Variants in IQGAP2 observed in about 807,000 individuals in gnomAD.
IQGAP2 encodes the protein ras GTPase-activating-like protein IQGAP2.
IQGAP2 carries 173 observed loss-of-function variants against 201.3 expected under a neutral mutation model. That is an observed-to-expected ratio of 0.86 (90% confidence interval 0.76 to 0.98). The LOEUF is 0.98. Ranked by LOEUF, IQGAP2 falls within the 50% of genes least tolerant of loss-of-function variation. The pLI is 0.00. For synonymous variants in IQGAP2, 675 were observed against 673.9 expected, an observed-to-expected ratio of 1.00 and a Z score of -0.03; for missense variants, 1,687 against 1,864.8, an observed-to-expected ratio of 0.90 and a Z score of 1.76.
intron 30 of IQGAP2, among the ~76,000 whole-genome samples, chr5:76,685,392 T>A (rs1745647923): frequency 6.6e-6 from 1 of 152,242 alleles, no homozygotes; most frequent in African/African-American, 2.4e-5. Flanking sequence ...TTTTTCTTAA[T>A]TAGTTTTGTC....
intron 2 of IQGAP2, among the ~76,000 whole-genome samples, chr5:76,513,039 A>C (rs1758077254): frequency 6.6e-6 from 1 of 150,616 alleles, no homozygotes; most frequent in Non-Finnish European, 1.5e-5. Flanking sequence ...TGGGTGACAG[A>C]GTCAGAGTCT....
At chr5:76,517,898 A>C (rs1580367388) in intron 2 of IQGAP2, among the ~76,000 whole-genome samples, 1 of 152,288 alleles carries the variant, frequency 6.6e-6, no homozygotes, top group East Asian at 1.9e-4. Context: ...GTCCATTTTC[A>C]CGCTGCCGAT....
intron 1 of IQGAP2, among the ~76,000 whole-genome samples, chr5:76,438,530 C>T (rs1752848062): frequency 6.6e-6 from 1 of 152,050 alleles, no homozygotes; most frequent in South Asian, 2.1e-4. Flanking sequence ...GCAACCTCCA[C>T]CTCCCAGGTT....
At chr5:76,541,468 A>G (rs1192064780) in intron 2 of IQGAP2, among the ~76,000 whole-genome samples, 1 of 152,158 alleles carries the variant, frequency 6.6e-6, no homozygotes, top group Non-Finnish European at 1.5e-5. Flanking sequence ...TGTTTTGGTG[A>G]TCATGACTGA....
At chr5:76,603,893 A>G (rs1487349565) in intron 11 of IQGAP2, among the ~76,000 whole-genome samples, 1 of 152,190 alleles carries the variant, frequency 6.6e-6, no homozygotes, top group East Asian at 1.9e-4. Flanking sequence ...ACTACGGAAT[A>G]TTTCCCAAAG....
intron 2 of IQGAP2, among the ~76,000 whole-genome samples, chr5:76,464,235 T>C (rs555991469): frequency 2.0e-5 from 3 of 152,356 alleles, no homozygotes; most frequent in African/African-American, 7.2e-5. Flanking sequence ...ATAGTTGTGC[T>C]GATTTAAGAA....
At chr5:76,623,229 A>G (rs749206178) in intron 13 of IQGAP2, 4 of 1,614,204 alleles carry the variant, frequency 2.5e-6, no homozygotes, top group Non-Finnish European at 3.4e-6. Flanking sequence ...GAGGGCTTTC[A>G]TTTTGATGAC....
chr5:76,405,994 A>C (rs1750779083), intron 1 of IQGAP2, among the ~76,000 whole-genome samples: 1 of 152,188 alleles, frequency 6.6e-6, no homozygotes, highest in African/African-American at 2.4e-5. Flanking sequence ...TGGGCTTTAA[A>C]CACAACTTTT....
At position 76,403,331 on chromosome 5, in the gene IQGAP2, G is replaced by A; in HGVS notation, c.-215G>A. ...GGCGACCGGCCAGGGAGCGAGGGAG[G>A]AGAGTTCACTTTTACTTCAGTGTCA... On this transcript the variant is annotated 5_prime_UTR_variant, in exon 1 of 36. Transcript: ENST00000274364. The surrounding 1 kb of genome is among the most constrained non-coding windows in gnomAD (Gnocchi z 4.8). 2.6e-6 allele frequency: 1 copy of A among 386,842 alleles called. No individual in the cohort carries two copies. Among genetic ancestry groups the A allele is most frequent in the Non-Finnish European group, 4.6e-6 (1 of 219,700 alleles). The allele number at this position is 386,842 out of a possible 1,614,324, so 24.0% of individuals were successfully genotyped here. A position where few individuals can be genotyped will look rare whatever the true frequency, so the allele number is the denominator to read the frequency against.
chr5:76,637,515 G>T (rs778229174), intron 16 of IQGAP2, among the ~76,000 whole-genome samples: 4 of 152,082 alleles, frequency 2.6e-5, no homozygotes, highest in Non-Finnish European at 5.9e-5. Flanking sequence ...ATATTTAAAA[G>T]GTATTTCTTT....
At chr5:76,426,284 A>T (rs1162110723) in intron 1 of IQGAP2, among the ~76,000 whole-genome samples, 1 of 152,202 alleles carries the variant, frequency 6.6e-6, no homozygotes, top group Non-Finnish European at 1.5e-5. Context: ...CTAGACACCT[A>T]GGAAAGGGGG....
At chr5:76,468,740 T>G (rs1754934016) in intron 2 of IQGAP2, among the ~76,000 whole-genome samples, 1 of 152,274 alleles carries the variant, frequency 6.6e-6, no homozygotes, top group South Asian at 2.1e-4. Flanking sequence ...CGCACTGCTC[T>G]GTGCTTCAAC....
intron 1 of IQGAP2, among the ~76,000 whole-genome samples, chr5:76,460,431 G>A (rs2150124952): frequency 6.6e-6 from 1 of 152,280 alleles, no homozygotes; most frequent in East Asian, 1.9e-4. Flanking sequence ...AACTTGTTCT[G>A]TAGGAAATAG....
rs149712900 is a variant in IQGAP2 at position 76,486,791 on chromosome 5, T to C, written c.146+25122T>C. Among the ~76,000 whole-genome samples, 152 of 152,324 alleles carry C rather than the reference T, an allele frequency of 1.0e-3. 1 individual carries two copies. The highest frequency in any genetic ancestry group is 2.5e-3 in the South Asian group (12 of 4,832). On this transcript the variant is annotated intron_variant, in intron 2 of 35. Transcript: ENST00000274364. ...CTTCAGAGTTTTGTTTTGTTTTGTT[T>C]TGTTTGACACTGTAGCCACCATTAC...
chr5:76,515,454 T>C (rs1758258163), intron 2 of IQGAP2, among the ~76,000 whole-genome samples: 2 of 152,218 alleles, frequency 1.3e-5, no homozygotes, highest in South Asian at 4.1e-4. Flanking sequence ...AGTCTTTTTC[T>C]TTATCTTAAG....
intron 28 of IQGAP2, among the ~76,000 whole-genome samples, chr5:76,678,425 TAA>T (rs112438447): frequency 2.2e-4 from 31 of 143,808 alleles, no homozygotes; most frequent in African/African-American, 7.1e-4. Flanking sequence ...ACATTAAAAT[TAA>T]AAAAAAAAAA....
chr5:76,451,260 T>C (rs1753725627), intron 1 of IQGAP2, among the ~76,000 whole-genome samples: 1 of 152,158 alleles, frequency 6.6e-6, no homozygotes, highest in South Asian at 2.1e-4. Context: ...TCTTCCCCCA[T>C]ACCGTGCTCC....
intron 2 of IQGAP2, among the ~76,000 whole-genome samples, chr5:76,529,992 T>C (rs572883392): frequency 9.1e-4 from 139 of 152,278 alleles, no homozygotes; most frequent in Middle Eastern, 3.4e-3. Context: ...TTTGCAACTA[T>C]CAATCATGAT....
intron 1 of IQGAP2, among the ~76,000 whole-genome samples, chr5:76,455,687 T>C (rs1263452277): frequency 1.3e-5 from 2 of 152,184 alleles, no homozygotes; most frequent in East Asian, 3.9e-4. Context: ...GACAAGCTTC[T>C]TAACTATTCC....
Sources: allele counts gnomAD v4.1 joint callset (sites outside exome capture counted in the v4.1 genomes callset), GRCh38; gene constraint gnomAD v4.1.1; non-coding constraint Gnocchi (gnomAD v3.1); transcripts MANE v1.5; gene names NCBI Gene and HGNC (gene_info 2026-07-23, HGNC 2026-07-21).